HIP1: variants seen among roughly 807,000 people sequenced by gnomAD.
The protein encoded by HIP1 is huntingtin interacting protein 1.
In HIP1, 65 loss-of-function variants were observed where a neutral mutation model predicts 147.6. The ratio of observed to expected loss-of-function variants is 0.44; its 90% CI spans 0.36 to 0.54. The LOEUF is 0.54. Among genes scored for constraint, HIP1 ranks in the 20% least tolerant of loss-of-function variants. The pLI is 0.00. For synonymous variants in HIP1, 479 were observed against 504.0 expected, an observed-to-expected ratio of 0.95 and a Z score of 0.67; for missense variants, 1,061 against 1,299.6, an observed-to-expected ratio of 0.82 and a Z score of 2.82.
intron 15 of HIP1, 50 bp downstream of exon 15, chr7:75,558,117 C>T: frequency 6.7e-7 from 1 of 1,486,428 alleles, no homozygotes; most frequent in Non-Finnish European, 9.4e-7. Context: ...GCCGCTCTCT[C>T]CCTAGAGGTG....
At chr7:75,596,244 A>AG (rs1361119262) in intron 2 of HIP1, among the ~76,000 whole-genome samples, 1 of 151,678 alleles carries the variant, frequency 6.6e-6, no homozygotes, top group African/African-American at 2.4e-5. Context: ...TCAAAAAAAA[A>AG]AAAAAAAAAA....
intron 1 of HIP1, among the ~76,000 whole-genome samples, chr7:75,714,151 T>G (rs1160904553): frequency 6.6e-6 from 1 of 151,938 alleles, no homozygotes; most frequent in African/African-American, 2.4e-5. Flanking sequence ...GTGATTCTCC[T>G]GCCTCAGCCT....
chr7:75,552,181 G>A (rs587704647), intron 22 of HIP1, among the ~76,000 whole-genome samples: 4 of 151,604 alleles, frequency 2.6e-5, no homozygotes, highest in South Asian at 4.2e-4. Flanking sequence ...GTGAGCCACC[G>A]TGCCTGGCCC....
chr7:75,634,941 G>GAAA (rs58461422), intron 1 of HIP1, among the ~76,000 whole-genome samples: 5 of 62,578 alleles, frequency 8.0e-5, no homozygotes, highest in Admixed American at 2.7e-4. Context: ...CACTATCTCT[G>GAAA]AAAAAAAAAA....
chr7:75,558,428 C>G (rs1795098382), intron 14 of HIP1, among the ~76,000 whole-genome samples, 173 bp from the exon 15 acceptor site: 1 of 152,162 alleles, frequency 6.6e-6, no homozygotes, highest in South Asian at 2.1e-4. Context: ...CCTTGACCTC[C>G]TTGGGCTCAA....
chr7:75,583,545 T>C (rs2116931513), intron 5 of HIP1, among the ~76,000 whole-genome samples: 1 of 152,210 alleles, frequency 6.6e-6, no homozygotes, highest in South Asian at 2.1e-4. Flanking sequence ...CTGATTACGT[T>C]GCTTACATGG....
chr7:75,593,554 CGGGAGGTGGA>C (rs1331439634), intron 2 of HIP1, among the ~76,000 whole-genome samples: 4 of 140,672 alleles, frequency 2.8e-5, no homozygotes, highest in African/African-American at 1.1e-4. Context: ...TGCTTGAATC[CGGGAGGTGGA>C]GGTTGCAGTG....
In HIP1 at chr7:75,541,908, G is replaced by A. The variant is rs1310747360; in HGVS notation, c.2952+11C>T. On this transcript the variant is annotated intron_variant, in intron 29 of 30. Transcript: ENST00000336926. ...ATAGAGGCTATCTAGACTTACAGATGGAGCTCTCACCTGAGAATCCATCTC... is the reference window on the plus strand; with the variant it reads ...ATAGAGGCTATCTAGACTTACAGATAGAGCTCTCACCTGAGAATCCATCTC... 1.3e-6 allele frequency: 2 copies of A among 1,599,862 alleles called. No homozygotes were observed. Among genetic ancestry groups the A allele is most frequent in the Admixed American group, 1.7e-5 (1 of 59,968 alleles).
chr7:75,568,243 G>A lies in HIP1; in HGVS notation c.759C>T (p.Asp253=). Residue 253 remains aspartate, a synonymous_variant, in exon 9 of 31, where the codon GAC becomes GAT. Coordinates refer to ENST00000336926, the MANE Select transcript of HIP1 (RefSeq NM_005338.7). This position sits in a 1 kb window ranked among gnomAD's most constrained non-coding sequence, Gnocchi z 4.1. Reference sequence around the variant, plus strand: ...AGCGGTCCCGGTGGCCTTGCAGGGTGTCAGCTGGGAGGCCTGGAAGAAATT... The same window carrying A: ...AGCGGTCCCGGTGGCCTTGCAGGGTATCAGCTGGGAGGCCTGGAAGAAATT... ...LFKLHSCLPA[D]TLQGHRDRFM... is the part of the protein sequence containing the mutation. The A allele has an allele frequency of 6.2e-7, 1 of 1,612,712 alleles. No individual in the cohort carries two copies. Among genetic ancestry groups the A allele is most frequent in the Non-Finnish European group, 8.5e-7 (1 of 1,178,770 alleles).
At chr7:75,586,713 G>T in intron 5 of HIP1, 40 bp downstream of exon 5, 2 of 1,277,150 alleles carry the variant, frequency 1.6e-6, no homozygotes, top group Non-Finnish European at 2.3e-6. Flanking sequence ...ATGGAGCAGG[G>T]GAGGCGGCGG....
chr7:75,597,567 C>G (rs948860334), intron 2 of HIP1, among the ~76,000 whole-genome samples: 2 of 151,972 alleles, frequency 1.3e-5, no homozygotes, highest in Admixed American at 6.6e-5. Flanking sequence ...TGGCAAAACC[C>G]CGTCTCTACT....
intron 1 of HIP1, among the ~76,000 whole-genome samples, chr7:75,627,474 G>A (rs986458328): frequency 6.6e-6 from 1 of 152,042 alleles, no homozygotes; most frequent in African/African-American, 2.4e-5. Context: ...TCAAAGTGAG[G>A]GGCCCTTTGA....
intron 1 of HIP1, among the ~76,000 whole-genome samples, chr7:75,637,837 C>A (rs1255009913): frequency 2.0e-5 from 3 of 151,962 alleles, no homozygotes; most frequent in Non-Finnish European, 4.4e-5. Context: ...AGACAGAGTG[C>A]CAAAGGCCAG....
intron 3 of HIP1, 110 bp downstream of exon 3, chr7:75,592,262 C>CTCT: frequency 1.4e-6 from 2 of 1,449,104 alleles, no homozygotes; most frequent in Admixed American, 1.9e-5. Flanking sequence ...AACCCAAAGG[C>CTCT]CAGGAGAAGG....
intron 1 of HIP1, among the ~76,000 whole-genome samples, chr7:75,682,581 G>GAAAACAAAACAAAACAAAACAAAAC (rs3216943): frequency 3.0e-4 from 45 of 148,770 alleles, no homozygotes; most frequent in African/African-American, 1.1e-3. Context: ...TTTACAGACA[G>GAAAACAAAACAAAACAAAACAAAAC]AAAACAAAAC....
In HIP1 at chr7:75,635,013, T is replaced by C. The variant is rs587692931; in HGVS notation, c.121-35766A>G. 6.0e-5 allele frequency among the ~76,000 whole-genome samples: 9 copies of C among 149,784 alleles called. No homozygotes were observed. The East Asian group carries it at 1.4e-3, about 23-fold the overall frequency. ...CTGTAAAGCACCACACAAATATAAA[T>C]TGTTATGTAAACATTATGTTCTTTG... On this transcript the variant is annotated intron_variant, in intron 1 of 30. Coordinates refer to ENST00000336926, the MANE Select transcript of HIP1 (RefSeq NM_005338.7).
intron 1 of HIP1, among the ~76,000 whole-genome samples, chr7:75,663,645 A>G (rs1463360349): frequency 1.3e-5 from 2 of 151,780 alleles, no homozygotes; most frequent in Non-Finnish European, 2.9e-5. Context: ...GGGTACTGCC[A>G]GTTCTGGGTG....
intron 1 of HIP1, among the ~76,000 whole-genome samples, chr7:75,656,548 G>A (rs556532543): frequency 2.0e-5 from 3 of 152,114 alleles, no homozygotes; most frequent in Non-Finnish European, 4.4e-5. Flanking sequence ...CATGATCTCG[G>A]CTCACCGCAA....
At chr7:75,711,509 G>C (rs1010352810) in intron 1 of HIP1, among the ~76,000 whole-genome samples, 4 of 152,190 alleles carry the variant, frequency 2.6e-5, no homozygotes, top group Admixed American at 2.6e-4. Flanking sequence ...TCTCCCAAAA[G>C]AGATACAAGT....
Sources: gnomAD v4.1 joint callset for allele counts (sites outside exome capture counted in the v4.1 genomes callset) on GRCh38, gnomAD v4.1.1 for gene constraint, Gnocchi (gnomAD v3.1) non-coding constraint, MANE v1.5 for transcripts, NCBI Gene and HGNC (gene_info 2026-07-23, HGNC 2026-07-21) for gene names.